ZFYVE26: variants seen among roughly 807,000 people sequenced by gnomAD.
The protein encoded by ZFYVE26 is zinc finger FYVE-type containing 26.
ZFYVE26 carries 181 observed loss-of-function variants against 276.5 expected under a neutral mutation model. The ratio of observed to expected loss-of-function variants is 0.65; its 90% CI spans 0.58 to 0.74. The LOEUF (loss-of-function observed/expected upper bound fraction) is 0.74. Ranked by LOEUF, ZFYVE26 falls within the 30% of genes least tolerant of loss-of-function variation. The pLI is 0.00. For synonymous variants in ZFYVE26, 1,129 were observed against 1,203.1 expected, an observed-to-expected ratio of 0.94 and a Z score of 1.27; for missense variants, 2,821 against 3,097.9, an observed-to-expected ratio of 0.91 and a Z score of 2.12.
chr14:67,781,837 C>CA (rs959148552), intron 21 of ZFYVE26, among the ~76,000 whole-genome samples: 2 of 152,146 alleles, frequency 1.3e-5, no homozygotes. Context: ...TGAAGCTCTC[C>CA]ATGTTTTGGC....
chr14:67,736,992 G>T (rs1276178257), intron 13 of ZFYVE26, among the ~76,000 whole-genome samples: 2 of 152,148 alleles, frequency 1.3e-5, no homozygotes, highest in Admixed American at 6.5e-5. Flanking sequence ...CATGACCTGG[G>T]TGAGGGCAAG....
chr14:67,757,662 CTTTCTTTCTTTCTT>C (rs2038816598), intron 35 of ZFYVE26, among the ~76,000 whole-genome samples: 1 of 145,598 alleles, frequency 6.9e-6, no homozygotes, highest in Admixed American at 6.8e-5. Context: ...TTCTTTCTTT[CTTTCTTTCTTTCTT>C]TCTTTCTCTC....
At chr14:67,780,884 C>T (rs2039480491) in intron 22 of ZFYVE26, among the ~76,000 whole-genome samples, 1 of 152,208 alleles carries the variant, frequency 6.6e-6, no homozygotes, top group African/African-American at 2.4e-5. Flanking sequence ...AAATTTGTCT[C>T]CCTAAGCCTC....
chr14:67,736,471 C>A (rs531269392), intron 13 of ZFYVE26, among the ~76,000 whole-genome samples: 1 of 152,280 alleles, frequency 6.6e-6, no homozygotes, highest in Admixed American at 6.5e-5. Context: ...AAGTTAGATT[C>A]TTTGCCTCAC....
At chr14:67,790,368 A>T (rs1221233930) in intron 15 of ZFYVE26, among the ~76,000 whole-genome samples, 1 of 152,218 alleles carries the variant, frequency 6.6e-6, no homozygotes, top group Non-Finnish European at 1.5e-5. Flanking sequence ...CAGTAGGTTG[A>T]GTGGTGGTAT....
chr14:67,752,333 AG>A lies in ZFYVE26; in HGVS notation c.7371+10del, dbSNP rs2038669898. On this transcript the variant is annotated intron_variant, in intron 40 of 41. Transcript: ENST00000347230. ...TGATGGAGGAGCCAAGAGGTACGGG[AG>A]GGAGTGTACCTGGGGCGGAATTCTC... 3 of 1,606,414 alleles carry A rather than the reference AG, an allele frequency of 1.9e-6. No homozygotes were observed. Among genetic ancestry groups the A allele is most frequent in the Non-Finnish European group, 8.5e-7 (1 of 1,176,450 alleles).
intron 20 of ZFYVE26, among the ~76,000 whole-genome samples, chr14:67,783,883 A>C (rs1254728606): frequency 6.6e-6 from 1 of 152,238 alleles, no homozygotes. Flanking sequence ...TTTGCATATA[A>C]ATCATTTATG....
At chr14:67,739,318 T>G (rs959609196) in intron 13 of ZFYVE26, among the ~76,000 whole-genome samples, 8 of 152,110 alleles carry the variant, frequency 5.3e-5, no homozygotes, top group East Asian at 1.9e-4. Context: ...AAAGGAAAGA[T>G]AGAGAGAATC....
At chr14:67,804,037 T>G in intron 9 of ZFYVE26, 64 bp downstream of exon 9, 1 of 1,600,688 alleles carries the variant, frequency 6.2e-7, no homozygotes, top group South Asian at 1.1e-5. Context: ...AATCTCATGC[T>G]GGAAGAAATG....
At chr14:67,732,447 C>T in intron 13 of ZFYVE26, among the ~76,000 whole-genome samples, 1 of 146,610 alleles carries the variant, frequency 6.8e-6, no homozygotes, top group Non-Finnish European at 1.5e-5. Flanking sequence ...AAAAAAAAAT[C>T]CTCCTCAAAC....
At chr14:67,785,681 G>T (rs1220226406) in intron 18 of ZFYVE26, among the ~76,000 whole-genome samples, 177 bp downstream of exon 18, 1 of 152,136 alleles carries the variant, frequency 6.6e-6, no homozygotes, top group South Asian at 2.1e-4. Context: ...TCAATTGAGA[G>T]GTGGGAAAAC....
At position 67,729,314 on chromosome 14, in the gene ZFYVE26, G is replaced by C. The variant is rs2140150922; in HGVS notation, n.3185C>G. ...CCCTTTGTCAAGACGGCACGGGAGG[G>C]GGCGCAGACCAGCCTGCACTGCGCC... On this transcript the variant is annotated non_coding_transcript_exon_variant, in exon 14 of 15. Coordinates refer to the ZFYVE26 transcript ENST00000394455. 6.2e-7 allele frequency: 1 copy of C among 1,600,866 alleles called. No individual in the cohort carries two copies. The highest frequency in any genetic ancestry group is 8.5e-7 in the Non-Finnish European group (1 of 1,179,892).
chr14:67,772,337 T>C (rs1263211110), intron 27 of ZFYVE26, 127 bp from the exon 28 acceptor site: 10 of 1,100,706 alleles, frequency 9.1e-6, no homozygotes, highest in Admixed American at 8.1e-5. Flanking sequence ...TTAATGATCA[T>C]CAGTGACTGT....
Position 67,804,138 on chromosome 14 carries a change from T to C in ZFYVE26, c.1398A>G (p.Leu466=), listed in dbSNP as rs752633677. The change falls in exon 9 of 42, where the codon TTA becomes TTG. Residue 466 remains leucine (L), a synonymous_variant. Coordinates refer to ENST00000347230, the MANE Select transcript of ZFYVE26 (RefSeq NM_015346.4). ...GGGGGTCCTTGGCTGGCACTTTCTG[T>C]AAGAGCTTGAGAACATCTTCCTCCC... ...ALREEDVLKL[L]QKVPAKDPQQ... 1 of 1,614,194 alleles carries C rather than the reference T, an allele frequency of 6.2e-7. No individual in the cohort carries two copies. Among genetic ancestry groups the C allele is most frequent in the Non-Finnish European group, 8.5e-7 (1 of 1,180,030 alleles).
intron 35 of ZFYVE26, among the ~76,000 whole-genome samples, chr14:67,757,868 C>T (rs1275402859): frequency 1.3e-5 from 2 of 152,130 alleles, no homozygotes; most frequent in African/African-American, 4.8e-5. Context: ...GCTCGTGCCA[C>T]CATGCCCAGC....
At chr14:67,752,249 G>T in intron 40 of ZFYVE26, 95 bp downstream of exon 40, 1 of 1,444,024 alleles carries the variant, frequency 6.9e-7, no homozygotes, top group Non-Finnish European at 9.5e-7. Flanking sequence ...ATCTTGTAGA[G>T]TTTCAGGCAC....
At chr14:67,765,631 G>A (rs953724604) in intron 32 of ZFYVE26, among the ~76,000 whole-genome samples, 1 of 152,206 alleles carries the variant, frequency 6.6e-6, no homozygotes, top group Non-Finnish European at 1.5e-5. Flanking sequence ...AGGAGTCACT[G>A]TCAGGTTAAT....
In ZFYVE26 at chr14:67,789,596, T is replaced by A; in HGVS notation, c.2758A>T (p.Met920Leu). The change falls in exon 16 of 42, where the codon ATG becomes TTG. Residue 920 changes from methionine to leucine, a missense_variant and splice_region_variant. Transcript: ENST00000347230. ...QAIGSAAAAG[M>L]VFYSISDVTD... is the part of the protein sequence containing the mutation. ...ACGTCAGAGATAGAGTAAAACACCATTCCTGGCCGCCCAGCAGAGGAATAA... is the reference window on the plus strand; with the variant it reads ...ACGTCAGAGATAGAGTAAAACACCAATCCTGGCCGCCCAGCAGAGGAATAA... The A allele has an allele frequency of 6.2e-7, 1 of 1,614,122 alleles. No individual in the cohort carries two copies. Among genetic ancestry groups the A allele is most frequent in the Non-Finnish European group, 8.5e-7 (1 of 1,180,022 alleles).
Position 67,761,203 on chromosome 14 carries a change from C to T in ZFYVE26, c.6588+163G>A, listed in dbSNP as rs542549678. On this transcript the variant is annotated intron_variant, in intron 35 of 41. Coordinates refer to ENST00000347230, the MANE Select transcript of ZFYVE26 (RefSeq NM_015346.4). ...AAGACTTTTCACACTCACTGAATAA[C>T]AGTTGTGCAGAGTCCCCTGTTTTGA... 7.8e-5 allele frequency: 57 copies of T among 733,134 alleles called. No homozygotes were observed. In the African/African-American group the frequency reaches 8.1e-4, roughly 10 times the overall value. 45.4% of individuals were successfully genotyped at this position (733,134 alleles called of 1,614,324 possible).
Sources: allele counts gnomAD v4.1 joint callset (sites outside exome capture counted in the v4.1 genomes callset), GRCh38; gene constraint gnomAD v4.1.1; transcripts MANE v1.5; gene names NCBI Gene and HGNC (gene_info 2026-07-23, HGNC 2026-07-21).